The following DNAAF5 variants were observed in gnomAD, a reference collection of about 807,000 sequenced individuals.
DNAAF5 encodes HEAT repeat containing 2.
A neutral mutation model predicts 75.8 loss-of-function variants in DNAAF5; 64 were observed. The observed-to-expected ratio is 0.84, with a 90% CI of 0.69 to 1.04. The LOEUF is 1.04. Ranked by LOEUF, DNAAF5 falls within the 50% of genes least tolerant of loss-of-function variation. DNAAF5 has a pLI of 0.00. For missense variants in DNAAF5, 1,269 were observed against 1,178.5 expected (o/e 1.08, Z -1.12); for synonymous variants, 657 against 557.2 (o/e 1.18, Z -2.52).
Position 785,609 on chromosome 7 carries a change from G to A in DNAAF5, c.2524G>A (p.Glu842Lys), listed in dbSNP as rs373912320. The A allele has an allele frequency of 9.3e-6, 15 of 1,613,044 alleles. No individual in the cohort carries two copies. The African/African-American group carries it at 1.1e-4, about 11-fold the overall frequency. ...CAAGCACCGCTCGGCCACCTACTGC[G>A]AGCAGCTCCTGCAGCATGTGCAGGC... The part of the protein sequence containing the change: ...IHKHRSATYC[E>K]QLLQHVQAVP... Residue 842 changes from glutamate to lysine, a missense_variant, in exon 13 of 13, where the codon GAG becomes AAG. Glu to Lys is a moderately conservative substitution (Grantham distance 56). Transcript: ENST00000297440.
chr7:742,556 C>T (rs1346428655), intron 4 of DNAAF5, among the ~76,000 whole-genome samples: 4 of 129,170 alleles, frequency 3.1e-5, no homozygotes, highest in Admixed American at 1.6e-4. Context: ...GATGCCCAGC[C>T]CAAATCAGAC....
chr7:779,264 G>A (rs927675659), intron 11 of DNAAF5, among the ~76,000 whole-genome samples: 16 of 152,288 alleles, frequency 1.1e-4, no homozygotes, highest in Admixed American at 8.5e-4. Context: ...TCCCAGCGTC[G>A]GGAAGATGGG....
intron 2 of DNAAF5, among the ~76,000 whole-genome samples, chr7:735,655 T>A (rs1376508995): frequency 6.6e-6 from 1 of 152,254 alleles, no homozygotes; most frequent in Non-Finnish European, 1.5e-5. Flanking sequence ...TCCTCTTCGA[T>A]CTCTGATTTT....
chr7:752,447 ACGGGC>A (rs1562385354), intron 4 of DNAAF5, among the ~76,000 whole-genome samples: 10 of 30,664 alleles, frequency 3.3e-4, no homozygotes, highest in African/African-American at 9.8e-4. Context: ...CTTCGTGACC[ACGGGC>A]CGGGCCACAC....
intron 1 of DNAAF5, among the ~76,000 whole-genome samples, chr7:729,028 A>C (rs1583471032): frequency 3.5e-5 from 4 of 112,768 alleles, no homozygotes; most frequent in African/African-American, 7.1e-5. Flanking sequence ...ACAGGGTTTC[A>C]CTCTGTCTCC....
Position 726,940 on chromosome 7 carries a change from G to T in DNAAF5, c.220G>T (p.Ala74Ser). The change falls in exon 1 of 13, where the codon GCG becomes TCG. Residue 74 changes from alanine (A) to serine (S), a missense_variant. By Grantham distance (99) the Ala-to-Ser change is moderately conservative. Coordinates refer to ENST00000297440, the MANE Select transcript of DNAAF5 (RefSeq NM_017802.4). The part of the protein sequence containing the change: ...ADPTAFQGPW[A>S]RLLLPRLLRC... ...CCCCACCGCTTTCCAGGGCCCCTGG[G>T]CGCGCCTACTGCTGCCGCGCTTGCT... is the stretch of plus-strand genomic sequence containing the variant. The T allele has an allele frequency of 7.5e-7, 1 of 1,340,196 alleles. No individual in the cohort carries two copies. Among genetic ancestry groups the T allele is most frequent in the Non-Finnish European group, 9.6e-7 (1 of 1,042,460 alleles). 83.0% of individuals were successfully genotyped at this position (1,340,196 alleles called of 1,614,324 possible).
intron 12 of DNAAF5, among the ~76,000 whole-genome samples, chr7:783,507 C>T (rs924064013): frequency 2.0e-5 from 3 of 152,168 alleles, no homozygotes; most frequent in South Asian, 2.1e-4. Flanking sequence ...GAGCCCATGT[C>T]GGGAGCCCCT....
chr7:760,397 G>A (rs1313591515), intron 6 of DNAAF5, among the ~76,000 whole-genome samples: 3 of 152,154 alleles, frequency 2.0e-5, no homozygotes, highest in African/African-American at 7.2e-5. Context: ...GTACACTGTT[G>A]ATAAATCACG....
intron 9 of DNAAF5, 27 bp downstream of exon 9, chr7:770,645 G>T (rs1221511737): frequency 1.2e-6 from 2 of 1,603,906 alleles, no homozygotes; most frequent in Admixed American, 1.7e-5. Context: ...CCTCTGCACG[G>T]CCCCCAGCTG....
chr7:730,483 T>C (rs184540727), intron 2 of DNAAF5, among the ~76,000 whole-genome samples: 16 of 152,350 alleles, frequency 1.1e-4, no homozygotes, highest in African/African-American at 3.8e-4. Flanking sequence ...CTTTTGTGTC[T>C]GGCCTCTTCA....
At position 740,855 on chromosome 7, in the gene DNAAF5, C is replaced by G; in HGVS notation, c.817C>G (p.Leu273Val). Reference protein sequence around the residue: ...RAVASVVGGWLLCLRDRYSFF... With the variant: ...RAVASVVGGWVLCLRDRYSFF... The stretch of plus-strand genomic sequence containing the variant: ...GGTGGCCTCCGTGGTGGGCGGCTGG[C>G]TGCTGTGTCTGCGTGACCGTTACTC... The change falls in exon 3 of 13, where the codon CTG becomes GTG. Residue 273 changes from leucine (L) to valine (V), a missense_variant. Leu to Val is a conservative substitution (Grantham distance 32, BLOSUM62 1). Transcript: ENST00000297440. 1 of 1,614,074 alleles carries G rather than the reference C, an allele frequency of 6.2e-7. No individual in the cohort carries two copies. Among genetic ancestry groups the G allele is most frequent in the Non-Finnish European group, 8.5e-7 (1 of 1,180,042 alleles).
chr7:757,639 C>G (rs972000438), intron 6 of DNAAF5, among the ~76,000 whole-genome samples: 10 of 152,264 alleles, frequency 6.6e-5, no homozygotes, highest in African/African-American at 2.4e-4. Flanking sequence ...GGTAGTTGGG[C>G]TCAATTGTTT....
intron 4 of DNAAF5, among the ~76,000 whole-genome samples, chr7:746,991 T>C (rs1364610747): frequency 2.0e-5 from 3 of 152,224 alleles, no homozygotes; most frequent in Non-Finnish European, 4.4e-5. Context: ...CTTCTTCGCG[T>C]GAGTCACGTT....
intron 4 of DNAAF5, 101 bp downstream of exon 4, chr7:741,566 G>A (rs546920168): frequency 8.1e-6 from 6 of 742,074 alleles, no homozygotes; most frequent in Non-Finnish European, 9.0e-6. Context: ...GCAGTTCTGA[G>A]CCCAGGCGGC....
chr7:764,063 G>A (rs913601954), intron 8 of DNAAF5, 89 bp downstream of exon 8: 105 of 1,401,100 alleles, frequency 7.5e-5, no homozygotes, highest in East Asian at 1.4e-4. Context: ...TACCAGCGCC[G>A]ACCAGCTGAG....
At position 754,652 on chromosome 7, in the gene DNAAF5, C is replaced by T; in HGVS notation, c.1088C>T (p.Ala363Val). Residue 363 changes from alanine (A) to valine (V), a missense_variant, in exon 5 of 13, where the codon GCC becomes GTC. Ala to Val is a moderately conservative substitution (Grantham distance 64). Coordinates refer to ENST00000297440, the MANE Select transcript of DNAAF5 (RefSeq NM_017802.4). The surrounding 1 kb of genome is among the most constrained non-coding windows in gnomAD (Gnocchi z 4.8). The part of the protein sequence containing the change: ...VFRNLSKILP[A>V]LCHDITDWVV... ...AGGAACCTCTCCAAGATCCTCCCTG[C>T]CCTGTGCCACGACATCACCGACTGG... is the stretch of plus-strand genomic sequence containing the variant. The T allele has an allele frequency of 6.2e-7, 1 of 1,614,154 alleles. No individual in the cohort carries two copies. The highest frequency in any genetic ancestry group is 8.5e-7 in the Non-Finnish European group (1 of 1,180,034).
chr7:744,234 T>G (rs939109969), intron 4 of DNAAF5, among the ~76,000 whole-genome samples: 1 of 152,200 alleles, frequency 6.6e-6, no homozygotes, highest in South Asian at 2.1e-4. Context: ...ATGATGATTT[T>G]GAATTTCATC....
intron 12 of DNAAF5, among the ~76,000 whole-genome samples, chr7:784,180 G>A (rs1044952476): frequency 1.8e-4 from 28 of 152,104 alleles, no homozygotes; most frequent in Non-Finnish European, 3.4e-4. Context: ...TGGCGGCCAC[G>A]CACCCTCCTC....
At chr7:759,802 G>C (rs1250853995) in intron 6 of DNAAF5, among the ~76,000 whole-genome samples, 2 of 152,168 alleles carry the variant, frequency 1.3e-5, no homozygotes, top group Admixed American at 6.5e-5. Flanking sequence ...TGTGCTTGGA[G>C]GTGTGGTCAG....
Sources: gnomAD v4.1 joint callset for allele counts (sites outside exome capture counted in the v4.1 genomes callset) on GRCh38, gnomAD v4.1.1 for gene constraint, Gnocchi (gnomAD v3.1) non-coding constraint, MANE v1.5 for transcripts, NCBI Gene and HGNC (gene_info 2026-07-23, HGNC 2026-07-21) for gene names.